The following SLC13A5 variants were observed in gnomAD, a reference collection of about 807,000 sequenced individuals.
The protein encoded by SLC13A5 is solute carrier family 13 member 5.
SLC13A5 carries 25 observed loss-of-function variants against 56.5 expected under a neutral mutation model. The ratio of observed to expected loss-of-function variants is 0.44; its 90% CI spans 0.32 to 0.62. The LOEUF (loss-of-function observed/expected upper bound fraction) is 0.62, where lower values mean the gene tolerates loss of function less well. SLC13A5 is among the 20% of genes least tolerant of loss of function. SLC13A5 has a pLI of 0.04. For synonymous variants in SLC13A5, 307 were observed against 301.5 expected (o/e 1.02, Z -0.19); for missense variants, 649 against 737.8 (o/e 0.88, Z 1.39).
chr17:6,707,969 G>A (rs1175365956), intron 1 of SLC13A5, among the ~76,000 whole-genome samples: 1 of 116,802 alleles, frequency 8.6e-6, no homozygotes, highest in Non-Finnish European at 1.7e-5. Context: ...TGTTTCATCA[G>A]TATTTTTTGT....
Position 6,687,681 on chromosome 17 carries a change from C to T in SLC13A5, c.1438-15G>A. On this transcript the variant is annotated splice_polypyrimidine_tract_variant and intron_variant, in intron 10 of 11. Transcript: ENST00000433363. The surrounding 1 kb of genome is among the most constrained non-coding windows in gnomAD (Gnocchi z 5.0). ...ATGGAGCGAGACTGCGGAAAAACAG[C>T]ACTGCAACATCACCGTACAGAACAC... 6.3e-7 allele frequency: 1 copy of T among 1,588,178 alleles called. No homozygotes were observed. The highest frequency in any genetic ancestry group is 1.2e-5 in the South Asian group (1 of 86,674).
At chr17:6,706,470 G>A (rs1234512898) in intron 3 of SLC13A5, among the ~76,000 whole-genome samples, 172 bp downstream of exon 3, 1 of 152,144 alleles carries the variant, frequency 6.6e-6, no homozygotes, top group Non-Finnish European at 1.5e-5. Context: ...CCACCACCAC[G>A]CATGCATCTG....
At chr17:6,690,347 A>G (rs545372923) in intron 10 of SLC13A5, among the ~76,000 whole-genome samples, 4 of 151,338 alleles carry the variant, frequency 2.6e-5, no homozygotes, top group African/African-American at 9.7e-5. Context: ...CTCCCTTCCT[A>G]CCTACTCCCA....
chr17:6,699,660 G>T (rs889580770), intron 6 of SLC13A5, among the ~76,000 whole-genome samples: 1 of 152,124 alleles, frequency 6.6e-6, no homozygotes, highest in African/African-American at 2.4e-5. Context: ...TAGTAGAGAT[G>T]GGGTTTCACC....
rs538980801 is a variant in SLC13A5, at chr17:6,686,201, C to A, written c.*6G>T. 59 of 1,613,994 alleles carry A rather than the reference C, an allele frequency of 3.7e-5. No homozygotes were observed. The highest frequency in any genetic ancestry group is 4.7e-5 in the Non-Finnish European group (56 of 1,179,982). ...AAGGGCTGTGTGTGTGGTCTTGTGGCTCTTCCTAAGTCTCAATATGTGTCA... is the reference window on the plus strand; with the variant it reads ...AAGGGCTGTGTGTGTGGTCTTGTGGATCTTCCTAAGTCTCAATATGTGTCA... On this transcript the variant is annotated 3_prime_UTR_variant, in exon 12 of 12. Coordinates refer to ENST00000433363, the MANE Select transcript of SLC13A5 (RefSeq NM_177550.5).
chr17:6,707,019 T>A lies in SLC13A5; in HGVS notation c.231+9A>T. 6.2e-7 allele frequency: 1 copy of A among 1,613,584 alleles called. No homozygotes were observed. The highest frequency in any genetic ancestry group is 1.1e-5 in the South Asian group (1 of 91,034). On this transcript the variant is annotated intron_variant, in intron 2 of 11. Transcript: ENST00000433363. Reference sequence around the variant, plus strand: ...CAGAAAGTCACCAGGATCCCTTGGGTCTGCTCACCTGCCTGGAGTCCAGAA... The same window carrying A: ...CAGAAAGTCACCAGGATCCCTTGGGACTGCTCACCTGCCTGGAGTCCAGAA...
intron 1 of SLC13A5, among the ~76,000 whole-genome samples, chr17:6,707,981 T>G (rs1044782079): frequency 6.6e-6 from 1 of 152,186 alleles, no homozygotes; most frequent in Non-Finnish European, 1.5e-5. Flanking sequence ...ATTTTTTGTG[T>G]GTGTGTGTGT....
Position 6,685,445 on chromosome 17 carries a change from AG to A in SLC13A5, c.*761del, listed in dbSNP as rs1352304276. 6.6e-6 allele frequency: 1 copy of A among 152,330 alleles called. No individual in the cohort carries two copies. Among genetic ancestry groups the A allele is most frequent in the Admixed American group, 6.5e-5 (1 of 15,284 alleles). 9.4% of individuals were successfully genotyped at this position (152,330 alleles called of 1,614,324 possible). ...CTCGGCAAATGTTGACCCAGACAACAGGGGACCAAGGAGTTGAAGGAGGCTC... is the reference window on the plus strand; with the variant it reads ...CTCGGCAAATGTTGACCCAGACAACAGGGACCAAGGAGTTGAAGGAGGCTC... On this transcript the variant is annotated 3_prime_UTR_variant, in exon 12 of 12. Coordinates refer to ENST00000433363, the MANE Select transcript of SLC13A5 (RefSeq NM_177550.5). The surrounding 1 kb of genome is among the most constrained non-coding windows in gnomAD (Gnocchi z 4.2).
intron 5 of SLC13A5, 97 bp downstream of exon 5, chr17:6,702,873 T>G (rs1266173426): frequency 6.7e-7 from 1 of 1,488,570 alleles, no homozygotes; most frequent in Non-Finnish European, 9.1e-7. Flanking sequence ...GCCCCGAGGC[T>G]TTCCAGGACT....
Position 6,687,347 on chromosome 17 carries a change from A to T in SLC13A5, c.1575+182T>A. Reference sequence around the variant, plus strand: ...GAAAGAACAGTGTGTGAGGCTTGAGATCATCTCAGAAAAAGAAGAAAAGCT... The same window carrying T: ...GAAAGAACAGTGTGTGAGGCTTGAGTTCATCTCAGAAAAAGAAGAAAAGCT... On this transcript the variant is annotated intron_variant, in intron 11 of 11. Coordinates refer to ENST00000433363, the MANE Select transcript of SLC13A5 (RefSeq NM_177550.5). This position sits in a 1 kb window ranked among gnomAD's most constrained non-coding sequence, Gnocchi z 5.0. 1.3e-6 allele frequency: 1 copy of T among 791,192 alleles called. No homozygotes were observed. Among genetic ancestry groups the T allele is most frequent in the Non-Finnish European group, 2.0e-6 (1 of 511,380 alleles). 49.0% of individuals were successfully genotyped at this position (791,192 alleles called of 1,614,324 possible).
At chr17:6,703,173 C>T (rs369069037) in intron 4 of SLC13A5, 35 bp from the exon 5 acceptor site, 39 of 1,610,860 alleles carry the variant, frequency 2.4e-5, no homozygotes, top group Non-Finnish European at 3.1e-5. Context: ...CTGAGCCAGT[C>T]ATGGGGGCTG....
chr17:6,703,810 A>G, intron 4 of SLC13A5, 68 bp downstream of exon 4: 1 of 1,462,132 alleles, frequency 6.8e-7, no homozygotes, highest in Middle Eastern at 2.0e-4. Flanking sequence ...AGGTGGCCAA[A>G]GCATTTGCCA....
At chr17:6,708,989 A>C (rs796187692) in intron 1 of SLC13A5, among the ~76,000 whole-genome samples, 14 of 106,194 alleles carry the variant, frequency 1.3e-4, no homozygotes, top group South Asian at 6.2e-4. Context: ...TCGCTCTTTT[A>C]TTTCTTTTTT....
chr17:6,710,346 A>T (rs147757841), intron 1 of SLC13A5, among the ~76,000 whole-genome samples: 1 of 152,220 alleles, frequency 6.6e-6, no homozygotes, highest in Non-Finnish European at 1.5e-5. Context: ...CCTGCTCCCA[A>T]TCCTGGTCCC....
At chr17:6,702,312 A>G (rs925943054) in intron 5 of SLC13A5, among the ~76,000 whole-genome samples, 2 of 152,050 alleles carry the variant, frequency 1.3e-5, no homozygotes, top group African/African-American at 4.8e-5. Context: ...GACCATGACT[A>G]CCCCGCGGCA....
At position 6,694,487 on chromosome 17, in the gene SLC13A5, G is replaced by A. The variant is rs142395921; in HGVS notation, c.1056-290C>T. 6.5e-3 allele frequency among the ~76,000 whole-genome samples: 988 copies of A among 152,178 alleles called. 12 individuals are homozygous for A. The highest frequency in any genetic ancestry group is 0.022 in the African/African-American group (932 of 41,512). ...CAAAAAATTAGCCAGACATGCTGGC[G>A]GGCGCCTGTAATCCCAGCTACTCGG... On this transcript the variant is annotated intron_variant, in intron 7 of 11. Transcript: ENST00000433363.
rs1391457144 is a variant in SLC13A5 at position 6,711,703 on chromosome 17, G to C, written c.102+1529C>G. Reference sequence around the variant, plus strand: ...TGTGTTTGTGAGTGTGTGTGTGTGAGAGAGAGAGTGTGTATGTGTGTGTGT... The same window carrying C: ...TGTGTTTGTGAGTGTGTGTGTGTGACAGAGAGAGTGTGTATGTGTGTGTGT... On this transcript the variant is annotated intron_variant, in intron 1 of 11. Coordinates refer to ENST00000433363, the MANE Select transcript of SLC13A5 (RefSeq NM_177550.5). The surrounding 1 kb of genome is among the most constrained non-coding windows in gnomAD (Gnocchi z 4.0). 6.6e-6 allele frequency among the ~76,000 whole-genome samples: 1 copy of C among 151,332 alleles called. No homozygotes were observed. The highest frequency in any genetic ancestry group is 2.4e-5 in the African/African-American group (1 of 41,040).
chr17:6,689,323 T>C (rs998914003), intron 10 of SLC13A5: 9 of 152,284 alleles, frequency 5.9e-5, no homozygotes, highest in Non-Finnish European at 1.2e-4. Context: ...CCTCATGGTG[T>C]CTGCACCTCA....
At position 6,692,840 on chromosome 17, in the gene SLC13A5, T is replaced by C. The variant is rs16956162; in HGVS notation, c.1275+204A>G. The C allele has an allele frequency of 0.038, 22,110 of 583,232 alleles. 1,004 individuals carry two copies. The highest frequency in any genetic ancestry group is 0.17 in the African/African-American group (9,049 of 53,510). 36.1% of individuals were successfully genotyped at this position (583,232 alleles called of 1,614,324 possible). On this transcript the variant is annotated intron_variant, in intron 9 of 11. Transcript: ENST00000433363. This position sits in a 1 kb window ranked among gnomAD's most constrained non-coding sequence, Gnocchi z 5.5. ...CTCATTCACTCATTCCTGCAATCGC[T>C]CAAAGGTTACTTTCTGTCTTCCAGG...
Sources: allele counts gnomAD v4.1 joint callset (sites outside exome capture counted in the v4.1 genomes callset), GRCh38; gene constraint gnomAD v4.1.1; non-coding constraint Gnocchi (gnomAD v3.1); transcripts MANE v1.5; gene names NCBI Gene and HGNC (gene_info 2026-07-23, HGNC 2026-07-21).